Variants in PIEZO2 observed in about 807,000 individuals in gnomAD.
PIEZO2 encodes piezo-type mechanosensitive ion channel component 2.
In PIEZO2, 172 loss-of-function variants were observed where a neutral mutation model predicts 337.3. The ratio of observed to expected loss-of-function variants is 0.51; its 90% CI spans 0.45 to 0.58. The LOEUF (loss-of-function observed/expected upper bound fraction) is 0.58. Ranked by LOEUF, PIEZO2 falls within the 20% of genes least tolerant of loss-of-function variation. The pLI, the probability that PIEZO2 is intolerant of heterozygous loss-of-function variation, is 0.00. For synonymous variants in PIEZO2, 1,251 were observed against 1,228.5 expected (o/e 1.02, Z -0.38); for missense variants, 3,028 against 3,391.3 (o/e 0.89, Z 2.66).
intron 1 of PIEZO2, among the ~76,000 whole-genome samples, chr18:11,090,957 T>C (rs1191311643): frequency 6.7e-6 from 1 of 150,134 alleles, no homozygotes; most frequent in African/African-American, 2.5e-5. Context: ...CATTGCTCTT[T>C]AAAAAGCGGC....
At chr18:11,115,681 A>T (rs1167763482) in intron 1 of PIEZO2, among the ~76,000 whole-genome samples, 1 of 152,228 alleles carries the variant, frequency 6.6e-6, no homozygotes, top group Admixed American at 6.5e-5. Context: ...TACTGCAAGA[A>T]GCATTCTATA....
chr18:10,964,268 A>G (rs564108525), intron 3 of PIEZO2, among the ~76,000 whole-genome samples: 32 of 152,328 alleles, frequency 2.1e-4, no homozygotes, highest in Admixed American at 1.8e-3. Context: ...AGTACAATAC[A>G]TATCAATTCT....
chr18:11,127,803 A>ATGTGTG lies in PIEZO2; in HGVS notation c.64+20716_64+20721dup, dbSNP rs34849868. Among the ~76,000 whole-genome samples the ATGTGTG allele has an allele frequency of 0.022, 3,244 of 146,662 alleles. 90 individuals are homozygous for ATGTGTG. The highest frequency in any genetic ancestry group is 0.055 in the African/African-American group (2,192 of 39,558). ...TGCATATACGTGTGTGTGTGTGTGC[A>ATGTGTG]TGTGTGTGTGTGTGTGTGTGTGTAT... On this transcript the variant is annotated intron_variant, in intron 1 of 55. Transcript: ENST00000674853. The surrounding 1 kb of genome is among the most constrained non-coding windows in gnomAD (Gnocchi z 4.5).
Position 11,005,530 on chromosome 18 carries a change from G to A in PIEZO2, c.161-25870C>T, listed in dbSNP as rs181907148. Among the ~76,000 whole-genome samples the A allele has an allele frequency of 5.3e-5, 8 of 152,314 alleles. No individual in the cohort carries two copies. In the East Asian group the frequency reaches 9.6e-4, roughly 18 times the overall value. On this transcript the variant is annotated intron_variant, in intron 2 of 55. Coordinates refer to ENST00000674853, the MANE Select transcript of PIEZO2 (RefSeq NM_001378183.1). ...GAGCGGTATCAGGGATGCTGGGGGCGTCATTACACACCTGAGAGGGTGCTC... is the reference window on the plus strand; with the variant it reads ...GAGCGGTATCAGGGATGCTGGGGGCATCATTACACACCTGAGAGGGTGCTC...
chr18:10,967,790 C>A (rs772437542), intron 3 of PIEZO2, among the ~76,000 whole-genome samples: 7 of 151,982 alleles, frequency 4.6e-5, no homozygotes, highest in Non-Finnish European at 1.0e-4. Context: ...AAATGAGATT[C>A]TTTGCTTCCT....
At chr18:10,709,388 C>T (rs2035725345) in intron 39 of PIEZO2, 1 of 152,250 alleles carries the variant, frequency 6.6e-6, no homozygotes, top group Admixed American at 6.5e-5. Context: ...CAAAGAGGGA[C>T]AGACAGCCCA....
chr18:10,835,749 G>A (rs2040990071), intron 7 of PIEZO2, among the ~76,000 whole-genome samples: 1 of 152,188 alleles, frequency 6.6e-6, no homozygotes, highest in Non-Finnish European at 1.5e-5. Context: ...TCGCCATGTT[G>A]GCCAGGCTGG....
In PIEZO2 at chr18:10,940,900, G is replaced by A. The variant is rs982162708; in HGVS notation, c.287-29672C>T. Among the ~76,000 whole-genome samples, 2 of 151,946 alleles carry A rather than the reference G, an allele frequency of 1.3e-5. No individual in the cohort carries two copies. Among genetic ancestry groups the A allele is most frequent in the African/African-American group, 2.4e-5 (1 of 41,388 alleles). ...ATTCAGTCTGAGATATATTTTCATG[G>A]TTACCCATTACTATAGCAAGGTTAT... On this transcript the variant is annotated intron_variant, in intron 3 of 55. Coordinates refer to ENST00000674853, the MANE Select transcript of PIEZO2 (RefSeq NM_001378183.1). The surrounding 1 kb of genome is among the most constrained non-coding windows in gnomAD (Gnocchi z 5.3).
chr18:10,921,426 G>A (rs1476777123), intron 3 of PIEZO2, among the ~76,000 whole-genome samples: 1 of 152,080 alleles, frequency 6.6e-6, no homozygotes, highest in Non-Finnish European at 1.5e-5. Context: ...TGTCTTTACT[G>A]CAGTCTCTAA....
At position 11,077,854 on chromosome 18, in the gene PIEZO2, A is replaced by G. The variant is rs78239310; in HGVS notation, c.65-11632T>C. 0.1 allele frequency among the ~76,000 whole-genome samples: 15,492 copies of G among 152,222 alleles called. 833 individuals carry two copies. Among genetic ancestry groups the G allele is most frequent in the Middle Eastern group, 0.14 (42 of 294 alleles). ...ACTAGACTGTGTTACAAAGTAGAGCATAAGTGTCATTTTTCATTTTCACAA... is the reference window on the plus strand; with the variant it reads ...ACTAGACTGTGTTACAAAGTAGAGCGTAAGTGTCATTTTTCATTTTCACAA... On this transcript the variant is annotated intron_variant, in intron 1 of 55. Transcript: ENST00000674853. The surrounding 1 kb of genome is among the most constrained non-coding windows in gnomAD (Gnocchi z 4.8).
At chr18:11,108,048 A>T (rs916952761) in intron 1 of PIEZO2, among the ~76,000 whole-genome samples, 1 of 152,200 alleles carries the variant, frequency 6.6e-6, no homozygotes, top group African/African-American at 2.4e-5. Flanking sequence ...AGTATTTGTT[A>T]TAATATTAAC....
At chr18:10,779,878 T>C (rs564887794) in intron 18 of PIEZO2, among the ~76,000 whole-genome samples, 1 of 152,150 alleles carries the variant, frequency 6.6e-6, no homozygotes, top group African/African-American at 2.4e-5. Context: ...GGAAGGCAAG[T>C]GTCGGGACAG....
chr18:10,785,426 C>T (rs752030807), intron 16 of PIEZO2, among the ~76,000 whole-genome samples: 2 of 152,216 alleles, frequency 1.3e-5, no homozygotes, highest in Admixed American at 6.5e-5. Context: ...GCATCTACAG[C>T]GCAGGCTCCT....
chr18:10,778,533 C>T lies in PIEZO2; in HGVS notation c.2534+1792G>A, dbSNP rs186406156. Among the ~76,000 whole-genome samples, 1,247 of 152,144 alleles carry T rather than the reference C, an allele frequency of 8.2e-3. 16 individuals are homozygous for T. Among genetic ancestry groups the T allele is most frequent in the African/African-American group, 0.028 (1,180 of 41,498 alleles). ...ATATTTAGTAGAGACAGGGTTTCAC[C>T]GTGTTAGCCAGGATGGTCTCGATCT... On this transcript the variant is annotated intron_variant, in intron 18 of 55. Transcript: ENST00000674853.
intron 1 of PIEZO2, among the ~76,000 whole-genome samples, chr18:11,079,406 G>GAC (rs2038658622): frequency 6.6e-6 from 1 of 152,140 alleles, no homozygotes; most frequent in African/African-American, 2.4e-5. Flanking sequence ...TTTACTGGGG[G>GAC]ACAAGTAGGT....
intron 3 of PIEZO2, among the ~76,000 whole-genome samples, chr18:10,919,576 G>T (rs1335045730): frequency 6.6e-6 from 1 of 152,068 alleles, no homozygotes; most frequent in African/African-American, 2.4e-5. Flanking sequence ...GTAGAGACTA[G>T]GGCAGGTCTG....
chr18:10,960,519 T>G (rs934483240), intron 3 of PIEZO2, among the ~76,000 whole-genome samples: 1 of 150,274 alleles, frequency 6.7e-6, no homozygotes, highest in Non-Finnish European at 1.5e-5. Flanking sequence ...TAAGAACAAA[T>G]AGAGTTGCAG....
chr18:11,106,098 A>T lies in PIEZO2; in HGVS notation c.65-39876T>A, dbSNP rs563396513. On this transcript the variant is annotated intron_variant, in intron 1 of 55. Coordinates refer to ENST00000674853, the MANE Select transcript of PIEZO2 (RefSeq NM_001378183.1). The stretch of plus-strand genomic sequence containing the variant: ...GCAGCCTTTTATTTTATTTTATTTT[A>T]TTTTTTTGAGACGGCATCTGGCTCT... Among the ~76,000 whole-genome samples the T allele has an allele frequency of 9.2e-4, 139 of 151,712 alleles. 1 individual carries two copies. In the South Asian group the frequency reaches 0.028, roughly 31 times the overall value.
At position 11,083,426 on chromosome 18, in the gene PIEZO2, C is replaced by T. The variant is rs1404562394; in HGVS notation, c.65-17204G>A. ...CGTAGAATGAGAGATCCGAAGGAGT[C>T]CAGGTAAGGGCAGAAATGCTCTCCT... On this transcript the variant is annotated intron_variant, in intron 1 of 55. Transcript: ENST00000674853. The surrounding 1 kb of genome is among the most constrained non-coding windows in gnomAD (Gnocchi z 4.4). Among the ~76,000 whole-genome samples the T allele has an allele frequency of 6.6e-6, 1 of 152,148 alleles. No homozygotes were observed. Among genetic ancestry groups the T allele is most frequent in the African/African-American group, 2.4e-5 (1 of 41,434 alleles).
Sources: gnomAD v4.1 joint callset for allele counts (sites outside exome capture counted in the v4.1 genomes callset) on GRCh38, gnomAD v4.1.1 for gene constraint, Gnocchi (gnomAD v3.1) non-coding constraint, MANE v1.5 for transcripts, NCBI Gene and HGNC (gene_info 2026-07-23, HGNC 2026-07-21) for gene names.